RSBN1L: variants seen among roughly 807,000 people sequenced by gnomAD.
The protein encoded by RSBN1L is round spermatid basic protein 1 like.
RSBN1L carries 30 observed loss-of-function variants against 67.7 expected under a neutral mutation model. The ratio of observed to expected loss-of-function variants is 0.44; its 90% CI spans 0.33 to 0.60. The LOEUF is 0.60. RSBN1L is among the 20% of genes least tolerant of loss of function. The pLI is 0.02. For synonymous variants in RSBN1L, 433 were observed against 387.0 expected (o/e 1.12, Z -1.39); for missense variants, 992 against 1,031.7 (o/e 0.96, Z 0.53).
chr7:77,748,384 C>G (rs1225521594), intron 2 of RSBN1L, among the ~76,000 whole-genome samples: 1 of 152,116 alleles, frequency 6.6e-6, no homozygotes, highest in Admixed American at 6.5e-5. Flanking sequence ...TTTCAACATT[C>G]TGGGAAAGCA....
chr7:77,761,865 T>C (rs1791700916), intron 3 of RSBN1L, among the ~76,000 whole-genome samples: 1 of 152,206 alleles, frequency 6.6e-6, no homozygotes, highest in South Asian at 2.1e-4. Flanking sequence ...GACTTCAATT[T>C]AATTTTTTAA....
intron 2 of RSBN1L, among the ~76,000 whole-genome samples, chr7:77,742,820 A>T (rs1791431171): frequency 6.6e-6 from 1 of 152,206 alleles, no homozygotes; most frequent in African/African-American, 2.4e-5. Context: ...CCTGGGCGAC[A>T]GAGTGAGACC....
intron 6 of RSBN1L, among the ~76,000 whole-genome samples, chr7:77,775,101 A>G (rs967733750): frequency 6.6e-6 from 1 of 152,154 alleles, no homozygotes; most frequent in Non-Finnish European, 1.5e-5. Flanking sequence ...CATAGGCAGT[A>G]TGTCCAGAGT....
chr7:77,742,406 T>A (rs758382709), intron 2 of RSBN1L, among the ~76,000 whole-genome samples: 6 of 152,144 alleles, frequency 3.9e-5, no homozygotes, highest in African/African-American at 1.2e-4. Flanking sequence ...ACAACACATG[T>A]GAAATCTTGT....
At chr7:77,744,750 C>A (rs1025946891) in intron 2 of RSBN1L, among the ~76,000 whole-genome samples, 2 of 152,060 alleles carry the variant, frequency 1.3e-5, no homozygotes, top group Non-Finnish European at 2.9e-5. Flanking sequence ...TAACACTTTG[C>A]CTTTTATGAC....
intron 1 of RSBN1L, among the ~76,000 whole-genome samples, chr7:77,703,753 G>A (rs1190691790): frequency 1.3e-5 from 2 of 152,032 alleles, no homozygotes; most frequent in Non-Finnish European, 2.9e-5. Context: ...CTCCCAAAGT[G>A]CTAGGATTAC....
At chr7:77,742,180 A>AAC (rs1554340015) in intron 2 of RSBN1L, among the ~76,000 whole-genome samples, 1 of 82,178 alleles carries the variant, frequency 1.2e-5, no homozygotes, top group South Asian at 4.6e-4. Context: ...AAAAAAAAAA[A>AAC]ATACACACAC....
intron 1 of RSBN1L, among the ~76,000 whole-genome samples, chr7:77,727,875 G>T (rs537881371): frequency 6.6e-6 from 1 of 152,180 alleles, no homozygotes; most frequent in Non-Finnish European, 1.5e-5. Flanking sequence ...GTTTAATGCA[G>T]ATCAGGGAGA....
At chr7:77,714,912 G>T (rs1791025998) in intron 1 of RSBN1L, among the ~76,000 whole-genome samples, 1 of 147,198 alleles carries the variant, frequency 6.8e-6, no homozygotes, top group Non-Finnish European at 1.5e-5. Context: ...GCAGTGAGCT[G>T]AGATGGCACT....
chr7:77,699,926 G>C (rs933090158), intron 1 of RSBN1L, among the ~76,000 whole-genome samples: 1 of 151,656 alleles, frequency 6.6e-6, no homozygotes, highest in Non-Finnish European at 1.5e-5. Context: ...CCTCCCGAGT[G>C]GCTGGAATTA....
In RSBN1L at chr7:77,696,949, TAAGGAG is replaced by T; in HGVS notation, c.484_489del (p.Glu162_Lys163del). 6.3e-7 allele frequency: 1 copy of T among 1,592,002 alleles called. No homozygotes were observed. The highest frequency in any genetic ancestry group is 2.3e-5 in the East Asian group (1 of 44,248). On this transcript the variant is annotated inframe_deletion, in exon 1 of 8. Coordinates refer to ENST00000334955, the MANE Select transcript of RSBN1L (RefSeq NM_198467.3). ...CGGCTAACGCCAAGTCGCGCAGACC[TAAGGAG>T]AAGCGGGAGAAGGAGAGGAGGAGGC...
At chr7:77,719,136 C>T (rs1562796446) in intron 1 of RSBN1L, among the ~76,000 whole-genome samples, 1 of 152,164 alleles carries the variant, frequency 6.6e-6, no homozygotes, top group Non-Finnish European at 1.5e-5. Flanking sequence ...ACCAATTTCT[C>T]ACTGCACATA....
At position 77,696,651 on chromosome 7, in the gene RSBN1L, G is replaced by C. The variant is rs1040771251; in HGVS notation, c.182G>C (p.Gly61Ala). The C allele has an allele frequency of 1.1e-5, 17 of 1,612,688 alleles. No individual in the cohort carries two copies. In the African/African-American group the frequency reaches 1.9e-4, roughly 18 times the overall value. ...KAPRRVNGEG[G>A]SGGNSRQLQP... is the part of the protein sequence containing the mutation. ...CCGCGGAGAGTGAACGGAGAAGGGG[G>C]CAGCGGCGGGAACAGCAGGCAGCTG... Residue 61 changes from glycine (G) to alanine (A), a missense_variant, in exon 1 of 8, where the codon GGC becomes GCC. Physicochemically the swap from Gly to Ala is moderately conservative, Grantham distance 60 (BLOSUM62 0). This residue lies in a region of RSBN1L where 575 missense variants were observed against 483.2 expected (regional missense o/e 1.19). Coordinates refer to ENST00000334955, the MANE Select transcript of RSBN1L (RefSeq NM_198467.3).
intron 1 of RSBN1L, among the ~76,000 whole-genome samples, chr7:77,704,806 C>T (rs1302639739): frequency 2.0e-5 from 3 of 152,038 alleles, no homozygotes; most frequent in African/African-American, 7.2e-5. Flanking sequence ...TGGTAAAACC[C>T]TGTCTCTACC....
chr7:77,719,701 C>G (rs1260460395), intron 1 of RSBN1L, among the ~76,000 whole-genome samples: 1 of 152,190 alleles, frequency 6.6e-6, no homozygotes, highest in African/African-American at 2.4e-5. Context: ...AAAACCTGAG[C>G]TAAAATTTTT....
chr7:77,778,206 T>A, intron 6 of RSBN1L, 132 bp from the exon 7 acceptor site: 1 of 561,636 alleles, frequency 1.8e-6, no homozygotes, highest in South Asian at 3.2e-5. Flanking sequence ...GGCTTTCCAA[T>A]TAACAGTTTA....
Position 77,736,329 on chromosome 7 carries a change from C to T in RSBN1L, c.587-81C>T. 9.3e-6 allele frequency: 6 copies of T among 642,396 alleles called. No individual in the cohort carries two copies. The South Asian group carries it at 1.6e-4, about 17-fold the overall frequency. 39.8% of individuals were successfully genotyped at this position (642,396 alleles called of 1,614,324 possible). ...TGATTTTCTTTGTGTATTGTAATTC[C>T]AGAAATTTACCTATAGTTTGTGCAG... On this transcript the variant is annotated intron_variant, in intron 1 of 7. Coordinates refer to ENST00000334955, the MANE Select transcript of RSBN1L (RefSeq NM_198467.3).
At chr7:77,706,848 T>TA (rs1790899302) in intron 1 of RSBN1L, among the ~76,000 whole-genome samples, 1 of 152,160 alleles carries the variant, frequency 6.6e-6, no homozygotes, top group Non-Finnish European at 1.5e-5. Flanking sequence ...GTTGGTAATC[T>TA]ATTACAATAT....
chr7:77,771,064 C>G (rs1379849817), intron 5 of RSBN1L, among the ~76,000 whole-genome samples: 1 of 152,110 alleles, frequency 6.6e-6, no homozygotes, highest in African/African-American at 2.4e-5. Flanking sequence ...GCCTCAGCCT[C>G]CCGAGTAGCT....
Sources: allele counts gnomAD v4.1 joint callset (sites outside exome capture counted in the v4.1 genomes callset), GRCh38; gene constraint gnomAD v4.1.1; regional missense constraint gnomAD v4.1.1; transcripts MANE v1.5; gene names NCBI Gene and HGNC (gene_info 2026-07-23, HGNC 2026-07-21).